The following WDR41 variants were observed in gnomAD, a reference collection of about 807,000 sequenced individuals.
The protein encoded by WDR41 is WD repeat-containing protein 41.
In WDR41, 63 loss-of-function variants were observed where a neutral mutation model predicts 69.3. That is an observed-to-expected ratio of 0.91 (90% CI 0.74 to 1.12). The LOEUF is 1.12. WDR41 is among the 50% of genes most tolerant of loss of function. The pLI, the probability that WDR41 is intolerant of heterozygous loss-of-function variation, is 0.00. For synonymous variants in WDR41, 185 were observed against 192.1 expected (o/e 0.96, Z 0.31); for missense variants, 543 against 534.5 (o/e 1.02, Z -0.16).
intron 1 of WDR41, chr5:77,582,932 G>A: frequency 1.2e-6 from 2 of 1,609,536 alleles, no homozygotes; most frequent in Non-Finnish European, 1.7e-6. Context: ...GGCATTATCT[G>A]CATGGAGGAT....
Position 77,431,539 on chromosome 5 carries a change from T to A in WDR41, c.*1596A>T, listed in dbSNP as rs1322362978. The A allele has an allele frequency of 6.6e-6, 1 of 152,200 alleles. No homozygotes were observed. Among genetic ancestry groups the A allele is most frequent in the African/African-American group, 2.4e-5 (1 of 41,452 alleles). 9.4% of individuals were successfully genotyped at this position (152,200 alleles called of 1,614,324 possible). On this transcript the variant is annotated 3_prime_UTR_variant, in exon 13 of 13. Coordinates refer to ENST00000296679, the MANE Select transcript of WDR41 (RefSeq NM_018268.4). Reference sequence around the variant, plus strand: ...AACCTAACCTGTAGTATCTCTGAGGTACGCCTGTATAATGACCAGAAGGAA... The same window carrying A: ...AACCTAACCTGTAGTATCTCTGAGGAACGCCTGTATAATGACCAGAAGGAA...
chr5:77,618,138 G>A (rs984296464), intron 1 of WDR41, among the ~76,000 whole-genome samples: 6 of 152,170 alleles, frequency 3.9e-5, no homozygotes, highest in African/African-American at 9.7e-5. Flanking sequence ...GATGTGACCC[G>A]TTCCTGAGGT....
chr5:77,510,751 C>T (rs1402750582), intron 1 of WDR41, among the ~76,000 whole-genome samples: 4 of 148,128 alleles, frequency 2.7e-5, no homozygotes, highest in Non-Finnish European at 6.0e-5. Flanking sequence ...CTAGGTTTTT[C>T]TGACTCCAAA....
chr5:77,470,990 A>G (rs566120572), intron 2 of WDR41, among the ~76,000 whole-genome samples: 2 of 152,194 alleles, frequency 1.3e-5, no homozygotes, highest in Non-Finnish European at 2.9e-5. Flanking sequence ...TCAGCATCAC[A>G]CCACACTTAT....
chr5:77,492,062 C>G (rs1581770030), intron 1 of WDR41, 108 bp downstream of exon 1: 3 of 1,385,238 alleles, frequency 2.2e-6, no homozygotes, highest in South Asian at 1.3e-5. Flanking sequence ...GCAGCCAGCC[C>G]CGCCTCCGCC....
At chr5:77,551,673 G>C (rs1743298737) in intron 1 of WDR41, among the ~76,000 whole-genome samples, 2 of 151,258 alleles carry the variant, frequency 1.3e-5, no homozygotes, top group South Asian at 4.2e-4. Flanking sequence ...GTGAGACTCT[G>C]ACTCAAAAAA....
At chr5:77,434,968 T>TTC (rs1798883245) in intron 12 of WDR41, among the ~76,000 whole-genome samples, 2 of 152,148 alleles carry the variant, frequency 1.3e-5, no homozygotes, top group South Asian at 2.1e-4. Context: ...CTCCTCAGCC[T>TTC]TACATTCAAG....
chr5:77,533,836 T>C (rs2112211972), intron 1 of WDR41, among the ~76,000 whole-genome samples: 1 of 152,286 alleles, frequency 6.6e-6, no homozygotes, highest in South Asian at 2.1e-4. Flanking sequence ...GGGCTCCCTT[T>C]GCAGGGGCTA....
At chr5:77,453,435 T>C (rs1054195546) in intron 6 of WDR41, among the ~76,000 whole-genome samples, 7 of 152,226 alleles carry the variant, frequency 4.6e-5, no homozygotes, top group African/African-American at 1.7e-4. Context: ...AGCTTGCACA[T>C]GTATGATCTT....
At chr5:77,443,928 G>T (rs1284354977) in intron 8 of WDR41, among the ~76,000 whole-genome samples, 1 of 141,104 alleles carries the variant, frequency 7.1e-6, no homozygotes, top group Non-Finnish European at 1.5e-5. Flanking sequence ...TGTCACCCAG[G>T]CTGGAGTACA....
chr5:77,440,442 T>A (rs1799113101), intron 9 of WDR41, among the ~76,000 whole-genome samples: 1 of 152,148 alleles, frequency 6.6e-6, no homozygotes, highest in Non-Finnish European at 1.5e-5. Context: ...TGAGAAACAC[T>A]CCTAAAATTT....
intron 2 of WDR41, among the ~76,000 whole-genome samples, chr5:77,467,168 A>G (rs1800342734): frequency 6.6e-6 from 1 of 151,962 alleles, no homozygotes; most frequent in South Asian, 2.1e-4. Context: ...TAAAATGTCA[A>G]TAAAGTTTAA....
chr5:77,437,822 A>T (rs1799005200), intron 10 of WDR41, among the ~76,000 whole-genome samples: 1 of 152,190 alleles, frequency 6.6e-6, no homozygotes, highest in Non-Finnish European at 1.5e-5. Context: ...CTAGAAGCTC[A>T]GCAGCAAATC....
rs1386873043 is a variant in WDR41, at chr5:77,461,170, A to G, written c.348+1925T>C. On this transcript the variant is annotated intron_variant, in intron 4 of 12. Transcript: ENST00000296679. ...TTTTGCAAAGATTACACTGATACTG[A>G]AAAAGAGAGCTTTATCCCATATTTG... Among the ~76,000 whole-genome samples the G allele has an allele frequency of 2.2e-5, 3 of 136,586 alleles. No individual in the cohort carries two copies. In the East Asian group the frequency reaches 5.8e-4, roughly 26 times the overall value. The allele number at this position is 136,586 out of a possible 152,430, so 89.6% of individuals were successfully genotyped here.
At chr5:77,598,577 T>C (rs2112319869) in intron 1 of WDR41, among the ~76,000 whole-genome samples, 1 of 151,688 alleles carries the variant, frequency 6.6e-6, no homozygotes, top group East Asian at 1.9e-4. Context: ...TGAACAACAC[T>C]TGAGCTCCAA....
chr5:77,451,421 C>T, intron 6 of WDR41, 68 bp from the exon 7 acceptor site: 1 of 1,453,018 alleles, frequency 6.9e-7, no homozygotes. Flanking sequence ...CAAAAACATT[C>T]TCAGTTTTAT....
intron 1 of WDR41, among the ~76,000 whole-genome samples, chr5:77,513,940 A>G (rs562797066): frequency 1.8e-3 from 268 of 150,364 alleles, no homozygotes; most frequent in Non-Finnish European, 3.0e-3. Flanking sequence ...TGCATAATCA[A>G]ACATATATTT....
intron 1 of WDR41, among the ~76,000 whole-genome samples, chr5:77,567,981 T>C (rs1387090715): frequency 2.0e-5 from 3 of 151,978 alleles, no homozygotes; most frequent in Admixed American, 1.3e-4. Context: ...ATTGGTTTCA[T>C]AGCAAGAGAT....
At chr5:77,507,003 T>C (rs1407560524) in intron 1 of WDR41, among the ~76,000 whole-genome samples, 1 of 152,228 alleles carries the variant, frequency 6.6e-6, no homozygotes, top group Admixed American at 6.5e-5. Flanking sequence ...ACCTGCACGT[T>C]GTGCACATGT....
Sources: allele counts gnomAD v4.1 joint callset (sites outside exome capture counted in the v4.1 genomes callset), GRCh38; gene constraint gnomAD v4.1.1; transcripts MANE v1.5; gene names NCBI Gene and HGNC (gene_info 2026-07-23, HGNC 2026-07-21).